DSCAM: variants seen among roughly 807,000 people sequenced by gnomAD.
DSCAM encodes the protein cell adhesion molecule DSCAM.
A neutral mutation model predicts 217.7 loss-of-function variants in DSCAM; 47 were observed. That is an observed-to-expected ratio of 0.22 (90% CI 0.17 to 0.28). The LOEUF (loss-of-function observed/expected upper bound fraction) is 0.28, where lower values mean the gene tolerates loss of function less well. Ranked by LOEUF, DSCAM falls within the 10% of genes least tolerant of loss-of-function variation. The pLI, the probability that DSCAM is intolerant of heterozygous loss-of-function variation, is 1.00. For missense variants in DSCAM, 2,080 were observed against 2,618.3 expected, an observed-to-expected ratio of 0.79 and a Z score of 4.49; for synonymous variants, 1,056 against 1,015.3, an observed-to-expected ratio of 1.04 and a Z score of -0.76.
At chr21:40,229,866 G>T (rs972054093) in intron 11 of DSCAM, among the ~76,000 whole-genome samples, 2 of 152,128 alleles carry the variant, frequency 1.3e-5, no homozygotes, top group African/African-American at 4.8e-5. Flanking sequence ...AAACACCCAG[G>T]TGTACAATTG....
intron 3 of DSCAM, among the ~76,000 whole-genome samples, chr21:40,617,416 G>A (rs542659489): frequency 1.1e-4 from 17 of 152,182 alleles, no homozygotes; most frequent in African/African-American, 3.4e-4. Context: ...GAGCCACCGC[G>A]CCCGGCCCAG....
intron 3 of DSCAM, among the ~76,000 whole-genome samples, chr21:40,473,003 T>C (rs1395734747): frequency 6.6e-6 from 1 of 152,204 alleles, no homozygotes; most frequent in Non-Finnish European, 1.5e-5. Context: ...CCCATTTCCC[T>C]GGCAAAGCGG....
intron 3 of DSCAM, among the ~76,000 whole-genome samples, chr21:40,622,766 C>T (rs985740232): frequency 6.6e-6 from 1 of 151,924 alleles, no homozygotes; most frequent in Non-Finnish European, 1.5e-5. Context: ...AAACTCAGCT[C>T]TGTCTTCCCA....
chr21:40,756,563 TG>T (rs1569021003), intron 1 of DSCAM, among the ~76,000 whole-genome samples: 1 of 151,532 alleles, frequency 6.6e-6, no homozygotes, highest in Non-Finnish European at 1.5e-5. Flanking sequence ...AGCTAATTTT[TG>T]TATTTTTAGC....
intron 3 of DSCAM, among the ~76,000 whole-genome samples, chr21:40,372,575 T>G (rs549290185): frequency 2.0e-5 from 3 of 152,342 alleles, no homozygotes; most frequent in East Asian, 3.9e-4. Flanking sequence ...GAGGGATGTC[T>G]CAGAAGCTAT....
At chr21:40,249,536 T>C (rs2073274068) in intron 11 of DSCAM, among the ~76,000 whole-genome samples, 1 of 152,112 alleles carries the variant, frequency 6.6e-6, no homozygotes, top group Admixed American at 6.6e-5. Flanking sequence ...ATTAGCAGCA[T>C]GAAAACAAAA....
At chr21:40,221,473 TATAAA>T (rs1399145815) in intron 11 of DSCAM, among the ~76,000 whole-genome samples, 5 of 148,616 alleles carry the variant, frequency 3.4e-5, no homozygotes, top group Admixed American at 6.8e-5. Context: ...ATATGCATAA[TATAAA>T]ATAATACATA....
chr21:40,554,548 C>T (rs1010412004), intron 3 of DSCAM, among the ~76,000 whole-genome samples: 1 of 152,064 alleles, frequency 6.6e-6, no homozygotes, highest in African/African-American at 2.4e-5. Flanking sequence ...CCATTGTGTA[C>T]TGAATATAGT....
At chr21:40,207,331 A>T (rs2146871050) in intron 11 of DSCAM, among the ~76,000 whole-genome samples, 1 of 152,312 alleles carries the variant, frequency 6.6e-6, no homozygotes, top group Middle Eastern at 3.4e-3. Context: ...GATGACTGAA[A>T]GTGTCCAGTT....
chr21:40,411,684 TGAA>T lies in DSCAM; in HGVS notation c.509-42442_509-42440del, dbSNP rs150177961. On this transcript the variant is annotated intron_variant, in intron 3 of 32. Coordinates refer to ENST00000400454, the MANE Select transcript of DSCAM (RefSeq NM_001389.5). ...ATATCAAAGTGATAAACAGAAAGAC[TGAA>T]GAAGTGAAAATGAGAGAAGACACAC... Among the ~76,000 whole-genome samples the T allele has an allele frequency of 5.2e-3, 794 of 152,036 alleles. 5 individuals are homozygous for T. Among genetic ancestry groups the T allele is most frequent in the Non-Finnish European group, 9.1e-3 (621 of 67,970 alleles).
intron 10 of DSCAM, among the ~76,000 whole-genome samples, chr21:40,293,762 T>C (rs1601524620): frequency 6.6e-6 from 1 of 151,858 alleles, no homozygotes; most frequent in South Asian, 2.1e-4. Context: ...GAGGCGGAGG[T>C]TGCAGTGAGC....
intron 20 of DSCAM, among the ~76,000 whole-genome samples, chr21:40,123,816 G>T (rs571518106): frequency 1.3e-5 from 2 of 151,418 alleles, no homozygotes; most frequent in South Asian, 4.2e-4. Flanking sequence ...GGAGGGAGAA[G>T]GGAGGGAGGG....
chr21:40,146,271 G>T (rs1197654566), intron 16 of DSCAM, among the ~76,000 whole-genome samples: 1 of 151,154 alleles, frequency 6.6e-6, no homozygotes, highest in Non-Finnish European at 1.5e-5. Flanking sequence ...CGGAGGGGGG[G>T]AGGTGGCGGG....
intron 3 of DSCAM, among the ~76,000 whole-genome samples, chr21:40,459,636 G>A (rs145331870): frequency 3.2e-4 from 48 of 152,252 alleles, no homozygotes; most frequent in Non-Finnish European, 6.2e-4. Context: ...TGAGTAAGCG[G>A]AATGCAGACT....
chr21:40,371,692 C>A (rs922625128), intron 3 of DSCAM, among the ~76,000 whole-genome samples: 1 of 152,040 alleles, frequency 6.6e-6, no homozygotes, highest in Non-Finnish European at 1.5e-5. Context: ...GGCTTTAGGG[C>A]GTATCATTTC....
chr21:40,192,023 G>A (rs1444780216), intron 11 of DSCAM, among the ~76,000 whole-genome samples: 1 of 151,812 alleles, frequency 6.6e-6, no homozygotes, highest in East Asian at 1.9e-4. Context: ...TTAATTTTTG[G>A]GGATACTATT....
intron 3 of DSCAM, among the ~76,000 whole-genome samples, chr21:40,399,205 G>A (rs1314667238): frequency 1.3e-5 from 2 of 152,184 alleles, no homozygotes; most frequent in Admixed American, 6.5e-5. Context: ...GGGAGGTCAA[G>A]GCTGCAGAGA....
At chr21:40,232,362 T>C (rs2091389728) in intron 11 of DSCAM, among the ~76,000 whole-genome samples, 1 of 152,150 alleles carries the variant, frequency 6.6e-6, no homozygotes. Context: ...AATGTATGAA[T>C]CTACGGAGCA....
intron 3 of DSCAM, among the ~76,000 whole-genome samples, chr21:40,515,449 A>G (rs1446143806): frequency 6.6e-6 from 1 of 152,204 alleles, no homozygotes; most frequent in Non-Finnish European, 1.5e-5. Context: ...AGTAAACTGC[A>G]TACATGATGT....
Sources: gnomAD v4.1 joint callset for allele counts (sites outside exome capture counted in the v4.1 genomes callset) on GRCh38, gnomAD v4.1.1 for gene constraint, MANE v1.5 for transcripts, NCBI Gene and HGNC (gene_info 2026-07-23, HGNC 2026-07-21) for gene names.